Variants in CCDC7 observed in about 807,000 individuals in gnomAD.
The protein encoded by CCDC7 is coiled-coil domain-containing protein 7.
A neutral mutation model predicts 196.9 loss-of-function variants in CCDC7; 183 were observed. That is an observed-to-expected ratio of 0.93 (90% CI 0.82 to 1.05). The LOEUF (loss-of-function observed/expected upper bound fraction) is 1.05. CCDC7 is among the 50% of genes least tolerant of loss of function. CCDC7 has a pLI of 0.00. For missense variants in CCDC7, 1,540 were observed against 1,482.2 expected (o/e 1.04, Z -0.64); for synonymous variants, 525 against 484.6 (o/e 1.08, Z -1.10).
At chr10:32,708,966 A>C (rs948224209) in intron 24 of CCDC7, among the ~76,000 whole-genome samples, 1 of 152,194 alleles carries the variant, frequency 6.6e-6, no homozygotes, top group African/African-American at 2.4e-5. Context: ...CACTCCCATT[A>C]CTGGGTATAT....
chr10:32,476,899 G>T (rs1156913475), intron 8 of CCDC7, among the ~76,000 whole-genome samples: 2 of 152,000 alleles, frequency 1.3e-5, no homozygotes, highest in African/African-American at 2.4e-5. Flanking sequence ...TAAAAATTGG[G>T]TTATTCGTTT....
chr10:32,813,129 T>C lies in CCDC7; in HGVS notation c.3098-1241T>C, dbSNP rs1279876537. The stretch of plus-strand genomic sequence containing the variant: ...CAACAACAACAACAACAAACCGCTC[T>C]ACAATACAATGGAAGGATTATGACA... On this transcript the variant is annotated intron_variant, in intron 30 of 41. Coordinates refer to ENST00000639629, the Ensembl canonical transcript of CCDC7. Among the ~76,000 whole-genome samples the C allele has an allele frequency of 2.0e-5, 3 of 152,088 alleles. No individual in the cohort carries two copies. In the East Asian group the frequency reaches 5.8e-4, roughly 29 times the overall value.
chr10:32,536,027 A>G (rs961327080), intron 11 of CCDC7, among the ~76,000 whole-genome samples: 1 of 152,200 alleles, frequency 6.6e-6, no homozygotes, highest in African/African-American at 2.4e-5. Context: ...CCCCTTAAAT[A>G]GGAATTTCAG....
intron 18 of CCDC7, among the ~76,000 whole-genome samples, chr10:32,622,176 T>C (rs2063491558): frequency 6.6e-6 from 1 of 152,218 alleles, no homozygotes; most frequent in Non-Finnish European, 1.5e-5. Flanking sequence ...CTCACTCTCA[T>C]GATCTCAGTT....
chr10:32,581,224 G>A (rs2058703648), intron 16 of CCDC7, among the ~76,000 whole-genome samples: 2 of 152,148 alleles, frequency 1.3e-5, no homozygotes, highest in South Asian at 4.1e-4. Context: ...TAGACATGGA[G>A]TGATTATTAG....
chr10:32,575,295 TCTAGA>T (rs2058065462), intron 16 of CCDC7, among the ~76,000 whole-genome samples: 1 of 152,164 alleles, frequency 6.6e-6, no homozygotes, highest in South Asian at 2.1e-4. Context: ...AACTAAAAGA[TCTAGA>T]CTAGAGGAGC....
At chr10:32,809,083 AG>A (rs1455343318) in intron 30 of CCDC7, among the ~76,000 whole-genome samples, 1 of 152,204 alleles carries the variant, frequency 6.6e-6, no homozygotes, top group Non-Finnish European at 1.5e-5. Context: ...TTCAGGAAAA[AG>A]TTTTGCTCTG....
intron 31 of CCDC7, among the ~76,000 whole-genome samples, chr10:32,822,182 C>G (rs188274633): frequency 2.6e-5 from 4 of 152,072 alleles, no homozygotes; most frequent in Middle Eastern, 6.3e-3. Flanking sequence ...TTGAAGCCCC[C>G]TAAAAAAGGT....
chr10:32,468,497 T>G (rs2037301465), intron 5 of CCDC7, among the ~76,000 whole-genome samples: 1 of 152,212 alleles, frequency 6.6e-6, no homozygotes, highest in South Asian at 2.1e-4. Context: ...ACTTTGGGGT[T>G]TTCTAGATAT....
chr10:32,650,748 G>A (rs2068607347), intron 20 of CCDC7, among the ~76,000 whole-genome samples: 1 of 152,050 alleles, frequency 6.6e-6, no homozygotes, highest in Non-Finnish European at 1.5e-5. Context: ...GGGCTCTAGG[G>A]TCTGCTTGCA....
chr10:32,877,653 A>T (rs1235114284), downstream of CCDC7, among the ~76,000 whole-genome samples: 1 of 152,140 alleles, frequency 6.6e-6, no homozygotes, highest in Non-Finnish European at 1.5e-5. Flanking sequence ...GCTTTTCTAT[A>T]AAACATGGAG....
intron 32 of CCDC7, among the ~76,000 whole-genome samples, chr10:32,825,506 C>T (rs1420191285): frequency 6.6e-6 from 1 of 152,180 alleles, no homozygotes; most frequent in Non-Finnish European, 1.5e-5. Context: ...ACTTAATAAA[C>T]TCCCATCTAT....
chr10:32,475,348 A>G (rs752349256), intron 8 of CCDC7, among the ~76,000 whole-genome samples: 1 of 152,144 alleles, frequency 6.6e-6, no homozygotes, highest in Non-Finnish European at 1.5e-5. Flanking sequence ...ACTGTTTTCC[A>G]ATTTCTGAAT....
chr10:32,677,022 A>G, intron 21 of CCDC7, among the ~76,000 whole-genome samples: 1 of 150,378 alleles, frequency 6.6e-6, no homozygotes, highest in Non-Finnish European at 1.5e-5. Flanking sequence ...ATACCATGGA[A>G]TACTATGCAG....
Position 32,814,461 on chromosome 10 carries a change from C to A in CCDC7, c.3181+8C>A. On this transcript the variant is annotated splice_region_variant and intron_variant, in intron 31 of 41. Coordinates refer to ENST00000639629, the Ensembl canonical transcript of CCDC7. The stretch of plus-strand genomic sequence containing the variant: ...GATCAAAGAGTCTCCCTGGTAAGAA[C>A]AAAAACTTTACACATTTAGTATTTC... The A allele has an allele frequency of 6.3e-7, 1 of 1,583,332 alleles. No individual in the cohort carries two copies. The highest frequency in any genetic ancestry group is 8.7e-7 in the Non-Finnish European group (1 of 1,153,928).
At chr10:32,823,801 A>G (rs933713727) in intron 31 of CCDC7, among the ~76,000 whole-genome samples, 2 of 152,216 alleles carry the variant, frequency 1.3e-5, no homozygotes, top group Non-Finnish European at 1.5e-5. Flanking sequence ...AATCACATAA[A>G]ACTCAAATGA....
At chr10:32,562,038 C>G (rs1489377313) in intron 13 of CCDC7, among the ~76,000 whole-genome samples, 1 of 152,180 alleles carries the variant, frequency 6.6e-6, no homozygotes, top group Non-Finnish European at 1.5e-5. Flanking sequence ...CGCAAATAAA[C>G]TAGAAAATCT....
chr10:32,693,429 C>T (rs186136751), intron 23 of CCDC7, among the ~76,000 whole-genome samples: 1 of 152,068 alleles, frequency 6.6e-6, no homozygotes, highest in Non-Finnish European at 1.5e-5. Flanking sequence ...TCTTCCTTCC[C>T]CAAAGATGGC....
At chr10:32,648,572 C>CT in intron 20 of CCDC7, among the ~76,000 whole-genome samples, 1 of 152,292 alleles carries the variant, frequency 6.6e-6, no homozygotes, top group Admixed American at 6.5e-5. Context: ...GCCTCTAGGT[C>CT]TTTGAAGAAT....
Sources: allele counts gnomAD v4.1 joint callset (sites outside exome capture counted in the v4.1 genomes callset), GRCh38; gene constraint gnomAD v4.1.1; transcripts MANE v1.5; gene names NCBI Gene and HGNC (gene_info 2026-07-23, HGNC 2026-07-21).